MAP4K3: variants seen among roughly 807,000 people sequenced by gnomAD.
The protein encoded by MAP4K3 is MAPK/ERK kinase kinase kinase 3.
In MAP4K3, 94 loss-of-function variants were observed where a neutral mutation model predicts 143.5. That is an observed-to-expected ratio of 0.65 (90% confidence interval 0.55 to 0.78). MAP4K3 has a LOEUF of 0.78. MAP4K3 is among the 30% of genes least tolerant of loss of function. The probability of loss-of-function intolerance (pLI) is 0.00; values close to 1 mark genes in which losing one functional copy is unlikely to be tolerated. For missense variants in MAP4K3, 1,077 were observed against 1,068.1 expected (o/e 1.01, Z -0.12); for synonymous variants, 416 against 347.2 (o/e 1.20, Z -2.20).
intron 21 of MAP4K3, among the ~76,000 whole-genome samples, chr2:39,284,788 G>T (rs1414430850): frequency 6.6e-6 from 1 of 151,788 alleles, no homozygotes; most frequent in Non-Finnish European, 1.5e-5. Context: ...AGGTTGCAGT[G>T]AGCCAAAATT....
intron 15 of MAP4K3, among the ~76,000 whole-genome samples, chr2:39,301,477 T>C (rs1420728057): frequency 6.6e-6 from 1 of 152,198 alleles, no homozygotes; most frequent in Non-Finnish European, 1.5e-5. Context: ...ACAAAATTTG[T>C]TTTCTTCAGC....
chr2:39,269,255 T>A (rs1039643921), intron 26 of MAP4K3, among the ~76,000 whole-genome samples: 24 of 152,078 alleles, frequency 1.6e-4, no homozygotes, highest in African/African-American at 3.1e-4. Flanking sequence ...ATGATAAGCA[T>A]AAATATAATA....
At chr2:39,321,689 A>C (rs575226444) in intron 12 of MAP4K3, among the ~76,000 whole-genome samples, 13 of 152,360 alleles carry the variant, frequency 8.5e-5, no homozygotes, top group Non-Finnish European at 1.6e-4. Flanking sequence ...GGAATGTCTC[A>C]GTATAAAACC....
chr2:39,409,483 A>C (rs1667181584), intron 1 of MAP4K3, among the ~76,000 whole-genome samples: 1 of 152,082 alleles, frequency 6.6e-6, no homozygotes, highest in Admixed American at 6.5e-5. Context: ...AGTCCCAGCT[A>C]CTCTAGAGGC....
chr2:39,266,626 T>C (rs1309751215), intron 27 of MAP4K3, among the ~76,000 whole-genome samples: 2 of 152,200 alleles, frequency 1.3e-5, no homozygotes, highest in African/African-American at 4.8e-5. Context: ...GAGCCTATGT[T>C]TAGAGTCCTT....
Position 39,364,595 on chromosome 2 carries a change from C to T in MAP4K3, c.155-8256G>A, listed in dbSNP as rs374000434. Among the ~76,000 whole-genome samples the T allele has an allele frequency of 9.2e-5, 14 of 152,286 alleles. No homozygotes were observed. In the South Asian group the frequency reaches 1.0e-3, roughly 11 times the overall value. ...CAAAACGTGTAAGGTGGGCCAGGTGCGGTGGCTTACGCCTGTAATGCCAGC... is the reference window on the plus strand; with the variant it reads ...CAAAACGTGTAAGGTGGGCCAGGTGTGGTGGCTTACGCCTGTAATGCCAGC... On this transcript the variant is annotated intron_variant, in intron 2 of 33. Coordinates refer to ENST00000263881, the MANE Select transcript of MAP4K3 (RefSeq NM_003618.4).
chr2:39,380,806 A>G (rs1666338339), intron 1 of MAP4K3, among the ~76,000 whole-genome samples: 1 of 152,178 alleles, frequency 6.6e-6, no homozygotes, highest in Non-Finnish European at 1.5e-5. Flanking sequence ...AGCACTTTTT[A>G]TAACAGCTTT....
rs969382880 is a variant in MAP4K3, at chr2:39,342,731, T to C, written c.310+657A>G. Among the ~76,000 whole-genome samples the C allele has an allele frequency of 2.6e-4, 39 of 152,124 alleles. 1 individual carries two copies. Among genetic ancestry groups the C allele is most frequent in the African/African-American group, 8.2e-4 (34 of 41,506 alleles). On this transcript the variant is annotated intron_variant, in intron 4 of 33. Transcript: ENST00000263881. ...ACTTAAGTGGCCCCACACTAGAAAA[T>C]AGGAGCCCAAATTCTATGAAAAAAT...
intron 6 of MAP4K3, among the ~76,000 whole-genome samples, chr2:39,334,254 C>CA (rs1391618923): frequency 6.6e-6 from 1 of 152,138 alleles, no homozygotes; most frequent in Non-Finnish European, 1.5e-5. Context: ...ATGACTTCAT[C>CA]TTCAATAAGC....
At chr2:39,307,570 G>A (rs976934324) in intron 15 of MAP4K3, among the ~76,000 whole-genome samples, 5 of 150,576 alleles carry the variant, frequency 3.3e-5, no homozygotes, top group African/African-American at 1.2e-4. Context: ...TATAACATAT[G>A]AATTGTTTAT....
At chr2:39,327,786 A>C (rs1393970643) in intron 8 of MAP4K3, among the ~76,000 whole-genome samples, 1 of 151,662 alleles carries the variant, frequency 6.6e-6, no homozygotes, top group Non-Finnish European at 1.5e-5. Context: ...TAGCTGGTAG[A>C]AATGCCCTAG....
chr2:39,336,656 A>G (rs1664977623), intron 6 of MAP4K3, among the ~76,000 whole-genome samples: 1 of 152,066 alleles, frequency 6.6e-6, no homozygotes. Context: ...GCATTTTACT[A>G]ATCAATAACT....
At chr2:39,436,612 TG>T (rs1264297275) in intron 1 of MAP4K3, 9 of 474,782 alleles carry the variant, frequency 1.9e-5, no homozygotes, top group Middle Eastern at 5.8e-4. Context: ...CAGTGTGGCC[TG>T]CTCTCGTTCT....
Position 39,374,664 on chromosome 2 carries a change from A to G in MAP4K3, c.154+3402T>C, listed in dbSNP as rs188637829. ...GCCACTGCACTCCAGCCTGGGCAAC[A>G]GAGCAAGACTCCATCACAAATTAAA... On this transcript the variant is annotated intron_variant, in intron 2 of 33. Transcript: ENST00000263881. Among the ~76,000 whole-genome samples the G allele has an allele frequency of 6.9e-3, 1,055 of 152,292 alleles. 11 individuals are homozygous for G. Among genetic ancestry groups the G allele is most frequent in the African/African-American group, 0.024 (1,006 of 41,556 alleles).
intron 1 of MAP4K3, among the ~76,000 whole-genome samples, chr2:39,397,456 C>A (rs560584870): frequency 1.3e-5 from 2 of 152,050 alleles, no homozygotes; most frequent in Admixed American, 1.3e-4. Flanking sequence ...CTTCAAAAAC[C>A]TTTAAAGAAA....
intron 27 of MAP4K3, 84 bp from the exon 28 acceptor site, chr2:39,265,390 A>G (rs1338051536): frequency 1.2e-6 from 1 of 833,882 alleles, no homozygotes; most frequent in African/African-American, 1.7e-5. Flanking sequence ...AACAAACAAA[A>G]CTAAACAAAC....
intron 2 of MAP4K3, among the ~76,000 whole-genome samples, chr2:39,367,076 C>T (rs1019379231): frequency 6.6e-6 from 1 of 152,136 alleles, no homozygotes; most frequent in Non-Finnish European, 1.5e-5. Flanking sequence ...TCAAATACTT[C>T]ACCTGATAAA....
intron 8 of MAP4K3, among the ~76,000 whole-genome samples, chr2:39,327,129 T>C (rs1174070394): frequency 6.6e-6 from 1 of 152,146 alleles, no homozygotes; most frequent in African/African-American, 2.4e-5. Context: ...ATTCAATAAA[T>C]AATATTCGTA....
At chr2:39,414,636 G>T (rs369848090) in intron 1 of MAP4K3, among the ~76,000 whole-genome samples, 111 of 152,180 alleles carry the variant, frequency 7.3e-4, no homozygotes, top group African/African-American at 2.5e-3. Flanking sequence ...AGCACTTTGG[G>T]AGGCCCAGGT....
Sources: gnomAD v4.1 joint callset for allele counts (sites outside exome capture counted in the v4.1 genomes callset) on GRCh38, gnomAD v4.1.1 for gene constraint, MANE v1.5 for transcripts, NCBI Gene and HGNC (gene_info 2026-07-23, HGNC 2026-07-21) for gene names.